SHKBP1: variants seen among roughly 807,000 people sequenced by gnomAD.
SHKBP1 encodes the protein SH3KBP1-binding protein 1.
In SHKBP1, 71 loss-of-function variants were observed where a neutral mutation model predicts 83.9. The ratio of observed to expected loss-of-function variants is 0.85; its 90% CI spans 0.70 to 1.03. The LOEUF (loss-of-function observed/expected upper bound fraction) is 1.03. Ranked by LOEUF, SHKBP1 falls within the 50% of genes least tolerant of loss-of-function variation. The pLI, the probability that SHKBP1 is intolerant of heterozygous loss-of-function variation, is 0.00. For missense variants in SHKBP1, 824 were observed against 982.4 expected (o/e 0.84, Z 2.16); for synonymous variants, 371 against 398.0 (o/e 0.93, Z 0.81).
chr19:40,583,397 G>A lies in SHKBP1; in HGVS notation c.961-1G>A. The A allele has an allele frequency of 6.4e-7, 1 of 1,573,628 alleles. No individual in the cohort carries two copies. Among genetic ancestry groups the A allele is most frequent in the African/African-American group, 1.3e-5 (1 of 74,134 alleles). ...TGCAGCCTGTCCTGCCCCACCCCCA[G>A]GTCCAGGAGGTGCAGCCCATCACCA... On this transcript the variant is annotated splice_acceptor_variant, in intron 10 of 17. Coordinates refer to ENST00000291842, the MANE Select transcript of SHKBP1 (RefSeq NM_138392.4). LOFTEE classifies it high-confidence loss of function.
Position 40,580,925 on chromosome 19 carries a change from G to A in SHKBP1, c.833G>A (p.Gly278Asp). 1 of 1,567,576 alleles carries A rather than the reference G, an allele frequency of 6.4e-7. No homozygotes were observed. Among genetic ancestry groups the A allele is most frequent in the Non-Finnish European group, 8.7e-7 (1 of 1,155,914 alleles). ...LLWALQAEGG[G>D]SEIGVFHLGV... Reference sequence around the variant, plus strand: ...TGGGCTCTGCAGGCGGAAGGCGGTGGCTCCGAGATAGGTATGACCCCAAGC... The same window carrying A: ...TGGGCTCTGCAGGCGGAAGGCGGTGACTCCGAGATAGGTATGACCCCAAGC... The change falls in exon 9 of 18, where the codon GGC (glycine) becomes GAC (aspartate). Residue 278 changes from glycine (G) to aspartate (D), a missense_variant. Around this residue, in one of 3 missense-constraint regions of SHKBP1, gnomAD observed 355 missense variants for 386.4 expected, o/e 0.92. Coordinates refer to ENST00000291842, the MANE Select transcript of SHKBP1 (RefSeq NM_138392.4).
At chr19:40,578,280 T>G (rs987545130) in intron 5 of SHKBP1, 68 bp downstream of exon 5, 2 of 1,534,842 alleles carry the variant, frequency 1.3e-6, no homozygotes, top group Non-Finnish European at 1.8e-6. Context: ...TACCTGCCCC[T>G]CTTCCCCTTC....
At chr19:40,581,308 C>T (rs933676547) in intron 9 of SHKBP1, among the ~76,000 whole-genome samples, 2 of 151,910 alleles carry the variant, frequency 1.3e-5, no homozygotes, top group African/African-American at 2.4e-5. Context: ...GTCAGGAGTT[C>T]GAGACCCCCT....
At chr19:40,583,029 C>T (rs1599841997) in intron 10 of SHKBP1, among the ~76,000 whole-genome samples, 2 of 151,980 alleles carry the variant, frequency 1.3e-5, no homozygotes, top group South Asian at 4.2e-4. Flanking sequence ...ATAGTGGAGG[C>T]CGGGTGCAGT....
intron 5 of SHKBP1, 81 bp from the exon 6 acceptor site, chr19:40,578,381 G>A: frequency 6.5e-7 from 1 of 1,530,898 alleles, no homozygotes; most frequent in Non-Finnish European, 9.0e-7. Context: ...TTGGTACTCT[G>A]TGTAGAAAGA....
chr19:40,590,160 A>G lies in SHKBP1; in HGVS notation c.1590-84A>G. 1.4e-6 allele frequency: 2 copies of G among 1,409,906 alleles called. No homozygotes were observed. The highest frequency in any genetic ancestry group is 1.9e-6 in the Non-Finnish European group (2 of 1,061,022). 87.3% of individuals were successfully genotyped at this position (1,409,906 alleles called of 1,614,324 possible). A position where few individuals can be genotyped will look rare whatever the true frequency, so the allele number is the denominator to read the frequency against. On this transcript the variant is annotated intron_variant, in intron 15 of 17. Coordinates refer to ENST00000291842, the MANE Select transcript of SHKBP1 (RefSeq NM_138392.4). This position sits in a 1 kb window ranked among gnomAD's most constrained non-coding sequence, Gnocchi z 4.6. ...AGATTGGGATGGCCCCTGGAGAGGC[A>G]GGAACTGCAGCCACAGTGGTGGGGA...
chr19:40,588,566 G>A, intron 13 of SHKBP1, 58 bp from the exon 14 acceptor site: 1 of 1,604,894 alleles, frequency 6.2e-7, no homozygotes, highest in South Asian at 1.1e-5. Context: ...CTCTGGACGG[G>A]CAGGCAGCAT....
intron 12 of SHKBP1, among the ~76,000 whole-genome samples, chr19:40,584,820 G>A (rs1039015063): frequency 1.3e-5 from 2 of 152,080 alleles, no homozygotes; most frequent in African/African-American, 2.4e-5. Flanking sequence ...ACTGGGTTAC[G>A]CCACGTTGGC....
At chr19:40,580,278 G>T (rs907327179) in intron 6 of SHKBP1, 46 bp from the exon 7 acceptor site, 1 of 1,580,294 alleles carries the variant, frequency 6.3e-7, no homozygotes, top group African/African-American at 1.3e-5. Context: ...CTGTGTGACA[G>T]CCACGATTAC....
intron 2 of SHKBP1, 48 bp downstream of exon 2, chr19:40,577,332 G>A (rs1052642339): frequency 5.0e-6 from 8 of 1,613,792 alleles, no homozygotes; most frequent in Non-Finnish European, 6.8e-6. Flanking sequence ...GATGGAGAGG[G>A]CGTGGGAGAC....
chr19:40,590,499 G>GCC lies in SHKBP1; in HGVS notation c.1768+77_1768+78insCC. 1 of 1,488,504 alleles carries GCC rather than the reference G, an allele frequency of 6.7e-7. No homozygotes were observed. Among genetic ancestry groups the GCC allele is most frequent in the South Asian group, 1.3e-5 (1 of 77,988 alleles). 92.2% of individuals were successfully genotyped at this position (1,488,504 alleles called of 1,614,324 possible). On this transcript the variant is annotated intron_variant, in intron 16 of 17. Transcript: ENST00000291842. The surrounding 1 kb of genome is among the most constrained non-coding windows in gnomAD (Gnocchi z 4.6). ...AACCACTCTCCACTGCCAACTGCTT[G>GCC]ATCTCTCTCCCAGGCCCTTGCCCTC... is the stretch of plus-strand genomic sequence containing the variant.
chr19:40,586,758 C>A lies in SHKBP1; in HGVS notation c.1166-16C>A. 6.4e-7 allele frequency: 1 copy of A among 1,559,970 alleles called. No homozygotes were observed. The highest frequency in any genetic ancestry group is 8.7e-7 in the Non-Finnish European group (1 of 1,147,972). On this transcript the variant is annotated splice_polypyrimidine_tract_variant and intron_variant, in intron 12 of 17. Transcript: ENST00000291842. ...CTGTGGCCCAGGCCCTCTCCTCATC[C>A]TTGGCCCCTCACCAGGTGACAGTGG... is the stretch of plus-strand genomic sequence containing the variant.
rs561324749 is a variant in SHKBP1 at position 40,590,257 on chromosome 19, C to T, written c.1603C>T (p.Arg535Cys). The part of the protein sequence containing the change: ...SSTGQRVCSV[R>C]SVDGSPTTAF... ...TGCACCCCCCAGGGTGTGCTCCGTGCGCTCCGTGGACGGCTCACCCACGAC... is the reference window on the plus strand; with the variant it reads ...TGCACCCCCCAGGGTGTGCTCCGTGTGCTCCGTGGACGGCTCACCCACGAC... Residue 535 changes from arginine to cysteine, a missense_variant, in exon 16 of 18, where the codon CGC becomes TGC. Coordinates refer to ENST00000291842, the MANE Select transcript of SHKBP1 (RefSeq NM_138392.4). The surrounding 1 kb of genome is among the most constrained non-coding windows in gnomAD (Gnocchi z 4.6). The T allele has an allele frequency of 2.6e-5, 41 of 1,594,460 alleles. No individual in the cohort carries two copies. Among genetic ancestry groups the T allele is most frequent in the East Asian group, 4.6e-5 (2 of 43,930 alleles).
Position 40,591,120 on chromosome 19 carries a change from G to A in SHKBP1, c.2037G>A (p.Arg679=), listed in dbSNP as rs756906045. 4.4e-5 allele frequency: 70 copies of A among 1,608,794 alleles called. No individual in the cohort carries two copies. Among genetic ancestry groups the A allele is most frequent in the Non-Finnish European group, 5.5e-5 (65 of 1,175,894 alleles). Residue 679 remains arginine (R), a synonymous_variant, in exon 18 of 18, where the codon CGG becomes CGA. Transcript: ENST00000291842. ...ELVRSGPDLR[R]PPTPAPWPSS... is the part of the protein sequence containing the mutation. The stretch of plus-strand genomic sequence containing the variant: ...TGCGGAGTGGGCCAGACCTCCGACG[G>A]CCACCCACACCAGCCCCGTGGCCCT...
chr19:40,589,455 G>T, intron 15 of SHKBP1, among the ~76,000 whole-genome samples: 1 of 130,774 alleles, frequency 7.6e-6, no homozygotes, highest in South Asian at 2.8e-4. Flanking sequence ...GTCAGGGTGG[G>T]ATGGGGGGCC....
Position 40,590,621 on chromosome 19 carries a change from C to T in SHKBP1, c.1769-109C>T, listed in dbSNP as rs2081350733. On this transcript the variant is annotated intron_variant, in intron 16 of 17. Coordinates refer to ENST00000291842, the MANE Select transcript of SHKBP1 (RefSeq NM_138392.4). This position sits in a 1 kb window ranked among gnomAD's most constrained non-coding sequence, Gnocchi z 4.6. ...GCCTCTGGCCCCCATGCATTGATCT[C>T]TGCTTCCTCTCTCCTGTCCTGACCC... 2 of 1,418,544 alleles carry T rather than the reference C, an allele frequency of 1.4e-6. No individual in the cohort carries two copies. The highest frequency in any genetic ancestry group is 2.2e-5 in the Admixed American group (1 of 46,216). The allele number at this position is 1,418,544 out of a possible 1,614,324, so 87.9% of individuals were successfully genotyped here. A position where few individuals can be genotyped will look rare whatever the true frequency, so the allele number is the denominator to read the frequency against.
rs1220394185 is a variant in SHKBP1 at position 40,583,717 on chromosome 19, A to C, written c.1165A>C (p.Ser389Arg). ...ALSVYLTPKT[S>R]DSGNWIEIAY... ...CAGTGTCTACCTCACCCCCAAGACC[A>C]GTAAGCTATGACCCGGCTTCCCCTG... The change falls in exon 12 of 18, where the codon AGT becomes CGT. Residue 389 changes from serine to arginine, a missense_variant and splice_region_variant. This residue lies in a region of SHKBP1 where 182 missense variants were observed against 273.1 expected (regional missense o/e 0.67). Transcript: ENST00000291842. 1.2e-6 allele frequency: 2 copies of C among 1,612,230 alleles called. No individual in the cohort carries two copies. Among genetic ancestry groups the C allele is most frequent in the Admixed American group, 1.7e-5 (1 of 59,956 alleles).
intron 3 of SHKBP1, 33 bp from the exon 4 acceptor site, chr19:40,577,524 A>G: frequency 1.2e-6 from 2 of 1,613,798 alleles, no homozygotes; most frequent in Non-Finnish European, 1.7e-6. Flanking sequence ...CCTGCCTTTT[A>G]CCCCATCCAT....
In SHKBP1 at chr19:40,589,121, A is replaced by G; in HGVS notation, c.1532A>G (p.Gln511Arg). The stretch of plus-strand genomic sequence containing the variant: ...CGGGACGACCAGCAAGTGTTCATCC[A>G]GAAGGTGGTGCCCAGTGCCAGCCAG... ...GERDDQQVFI[Q>R]KVVPSASQLF... The change falls in exon 15 of 18, where the codon CAG (glutamine) becomes CGG (arginine). Residue 511 changes from glutamine to arginine, a missense_variant. Around this residue, in one of 3 missense-constraint regions of SHKBP1, gnomAD observed 287 missense variants for 322.9 expected, o/e 0.89. Transcript: ENST00000291842. The G allele has an allele frequency of 1.9e-6, 3 of 1,613,458 alleles. No individual in the cohort carries two copies. The highest frequency in any genetic ancestry group is 2.5e-6 in the Non-Finnish European group (3 of 1,179,950).
Sources: allele counts gnomAD v4.1 joint callset (sites outside exome capture counted in the v4.1 genomes callset), GRCh38; gene constraint gnomAD v4.1.1; regional missense constraint gnomAD v4.1.1; non-coding constraint Gnocchi (gnomAD v3.1); transcripts MANE v1.5; gene names NCBI Gene and HGNC (gene_info 2026-07-23, HGNC 2026-07-21).